Variants in SPAG16 observed in about 807,000 individuals in gnomAD.
SPAG16 encodes sperm associated antigen 16, also known as sperm-associated antigen 16 protein.
Under a neutral mutation model 80.4 loss-of-function variants are expected in SPAG16, and 86 were observed. The ratio of observed to expected loss-of-function variants is 1.07; its 90% CI spans 0.90 to 1.28. The LOEUF (loss-of-function observed/expected upper bound fraction) is 1.28, where lower values mean the gene tolerates loss of function less well. Ranked by LOEUF, SPAG16 falls within the 50% of genes most tolerant of loss-of-function variation. The probability of loss-of-function intolerance (pLI) is 0.00; values close to 1 mark genes in which losing one functional copy is unlikely to be tolerated. For missense variants in SPAG16, 870 were observed against 765.3 expected (o/e 1.14, Z -1.61); for synonymous variants, 294 against 265.9 (o/e 1.11, Z -1.03).
intron 15 of SPAG16, among the ~76,000 whole-genome samples, chr2:214,301,282 C>G (rs1694532708): frequency 6.6e-6 from 1 of 150,378 alleles, no homozygotes; most frequent in African/African-American, 2.4e-5. Flanking sequence ...GATAAAAACC[C>G]TCAAAATCTA....
chr2:214,224,133 C>T (rs2058646964), intron 15 of SPAG16, among the ~76,000 whole-genome samples: 1 of 152,186 alleles, frequency 6.6e-6, no homozygotes, highest in Non-Finnish European at 1.5e-5. Context: ...TTCTGCTCTT[C>T]TTCCCAGGGG....
At chr2:213,962,463 G>A (rs2044492311) in intron 12 of SPAG16, among the ~76,000 whole-genome samples, 1 of 152,156 alleles carries the variant, frequency 6.6e-6, no homozygotes, top group Non-Finnish European at 1.5e-5. Flanking sequence ...GGGATTACAG[G>A]CATGAGCCAC....
At chr2:213,737,512 G>A (rs1339077933) in intron 10 of SPAG16, among the ~76,000 whole-genome samples, 1 of 134,010 alleles carries the variant, frequency 7.5e-6, no homozygotes, top group Admixed American at 8.2e-5. Flanking sequence ...TTTTGAGACG[G>A]AGTCTCGCTC....
rs375519801 is a variant in SPAG16 at position 213,766,070 on chromosome 2, A to C, written c.1071-96415A>C. 5.3e-5 allele frequency among the ~76,000 whole-genome samples: 8 copies of C among 152,362 alleles called. No individual in the cohort carries two copies. The East Asian group carries it at 1.5e-3, about 29-fold the overall frequency. ...TAACGCTACATTTCAGTCTTATGGA[A>C]GAATACACTGTGTCTTGGGAATTCC... On this transcript the variant is annotated intron_variant, in intron 10 of 15. Coordinates refer to ENST00000331683, the MANE Select transcript of SPAG16 (RefSeq NM_024532.5).
chr2:213,895,017 A>C (rs1340900737), intron 11 of SPAG16, among the ~76,000 whole-genome samples: 6 of 126,132 alleles, frequency 4.8e-5, no homozygotes, highest in Admixed American at 3.3e-4. Flanking sequence ...AAAAAAAAAA[A>C]AACTGAAAGA....
intron 13 of SPAG16, among the ~76,000 whole-genome samples, chr2:214,015,244 G>T (rs72934089): frequency 0.14 from 21,600 of 152,132 alleles, 2,128 homozygotes; most frequent in Non-Finnish European, 0.21. Flanking sequence ...TCTCTTATCA[G>T]GCTAAAAGAG....
intron 10 of SPAG16, among the ~76,000 whole-genome samples, chr2:213,783,590 T>C (rs1467671516): frequency 9.3e-6 from 1 of 107,464 alleles, no homozygotes; most frequent in Non-Finnish European, 2.0e-5. Flanking sequence ...AACCAAAATC[T>C]CACCCCCAAA....
intron 13 of SPAG16, among the ~76,000 whole-genome samples, chr2:214,104,283 C>G (rs2053252127): frequency 6.6e-6 from 1 of 152,148 alleles, no homozygotes; most frequent in African/African-American, 2.4e-5. Flanking sequence ...AATACAGGGC[C>G]TTAAGACACA....
In SPAG16 at chr2:214,016,851, G is replaced by T. The variant is rs1292041088; in HGVS notation, c.1527+2774G>T. ...AAAAGAATAAATATTCATAATTTCT[G>T]GTTCCTGGGTCAATAAGAAAGAGAA... On this transcript the variant is annotated intron_variant, in intron 13 of 15. Coordinates refer to ENST00000331683, the MANE Select transcript of SPAG16 (RefSeq NM_024532.5). Among the ~76,000 whole-genome samples the T allele has an allele frequency of 2.0e-5, 3 of 152,028 alleles. No individual in the cohort carries two copies. In the East Asian group the frequency reaches 5.8e-4, roughly 29 times the overall value.
At chr2:213,869,280 T>TATATATACCC (rs869276304) in intron 11 of SPAG16, among the ~76,000 whole-genome samples, 1 of 112,478 alleles carries the variant, frequency 8.9e-6, no homozygotes, top group Non-Finnish European at 1.9e-5. Flanking sequence ...TATATATATA[T>TATATATACCC]GTATATATAT....
chr2:214,253,925 G>A (rs1037206351), intron 15 of SPAG16, among the ~76,000 whole-genome samples: 3 of 151,958 alleles, frequency 2.0e-5, no homozygotes, highest in South Asian at 4.2e-4. Context: ...TTGATTCTTC[G>A]TATCCATGAG....
At chr2:214,358,891 G>C (rs1698992605) in intron 15 of SPAG16, among the ~76,000 whole-genome samples, 1 of 151,734 alleles carries the variant, frequency 6.6e-6, no homozygotes, top group South Asian at 2.1e-4. Context: ...AAATAATTTT[G>C]CCTACTGCAT....
chr2:213,768,683 T>C (rs1233174134), intron 10 of SPAG16, among the ~76,000 whole-genome samples: 2 of 152,192 alleles, frequency 1.3e-5, no homozygotes, highest in Non-Finnish European at 2.9e-5. Context: ...TTTGCAATGT[T>C]TGTGAGAAAT....
intron 10 of SPAG16, among the ~76,000 whole-genome samples, chr2:213,549,693 G>C (rs949073879): frequency 1.3e-5 from 2 of 152,118 alleles, no homozygotes; most frequent in African/African-American, 4.8e-5. Context: ...AACTTGAAAG[G>C]CTTCTTACCT....
chr2:213,330,233 A>G (rs915536005), intron 5 of SPAG16, among the ~76,000 whole-genome samples: 1 of 152,172 alleles, frequency 6.6e-6, no homozygotes, highest in African/African-American at 2.4e-5. Context: ...CCCCAGAATG[A>G]TGGATCCACC....
intron 15 of SPAG16, among the ~76,000 whole-genome samples, chr2:214,380,418 T>C (rs1398839542): frequency 6.6e-6 from 1 of 152,232 alleles, no homozygotes; most frequent in East Asian, 1.9e-4. Context: ...TGTAGTCCTG[T>C]GTGATTGCTT....
chr2:214,383,571 A>AC, intron 15 of SPAG16, among the ~76,000 whole-genome samples: 2 of 141,778 alleles, frequency 1.4e-5, no homozygotes, highest in Admixed American at 1.4e-4. Flanking sequence ...ACTTCATCTC[A>AC]AAAAAAAAGA....
chr2:214,210,235 C>T (rs2058254433), intron 15 of SPAG16, among the ~76,000 whole-genome samples: 2 of 151,884 alleles, frequency 1.3e-5, no homozygotes, highest in Non-Finnish European at 2.9e-5. Flanking sequence ...ATTTTGAGTA[C>T]AATTGACCCT....
Position 214,410,399 on chromosome 2 carries a change from T to G in SPAG16, c.*84T>G. 7.6e-7 allele frequency: 1 copy of G among 1,310,746 alleles called. No homozygotes were observed. Among genetic ancestry groups the G allele is most frequent in the Non-Finnish European group, 1.1e-6 (1 of 951,434 alleles). 81.2% of individuals were successfully genotyped at this position (1,310,746 alleles called of 1,614,324 possible). On this transcript the variant is annotated 3_prime_UTR_variant, in exon 16 of 16. Transcript: ENST00000331683. Reference sequence around the variant, plus strand: ...AGTCCCAAACCAGCAAAGAACTGGTTAAATGTGCCAGCAGGTAACATTTAC... The same window carrying G: ...AGTCCCAAACCAGCAAAGAACTGGTGAAATGTGCCAGCAGGTAACATTTAC...
Sources: allele counts gnomAD v4.1 joint callset (sites outside exome capture counted in the v4.1 genomes callset), GRCh38; gene constraint gnomAD v4.1.1; transcripts MANE v1.5; gene names NCBI Gene and HGNC (gene_info 2026-07-23, HGNC 2026-07-21).